Variants in ATL1 observed in about 807,000 individuals in gnomAD.
ATL1 encodes atlastin-1.
In ATL1, 31 loss-of-function variants were observed where a neutral mutation model predicts 75.5. The ratio of observed to expected loss-of-function variants is 0.41; its 90% CI spans 0.31 to 0.55. The LOEUF (loss-of-function observed/expected upper bound fraction) is 0.55. Among genes scored for constraint, ATL1 ranks in the 20% least tolerant of loss-of-function variants. The pLI is 0.27. For synonymous variants in ATL1, 226 were observed against 233.3 expected (o/e 0.97, Z 0.28); for missense variants, 405 against 662.6 (o/e 0.61, Z 4.27).
chr14:50,555,229 T>C (rs917304085), upstream of ATL1, among the ~76,000 whole-genome samples: 1 of 152,082 alleles, frequency 6.6e-6, no homozygotes, highest in Non-Finnish European at 1.5e-5. Context: ...AAGTGAAAGA[T>C]GGAAGAAGGC....
chr14:50,601,114 T>C (rs2039268346), intron 6 of ATL1, among the ~76,000 whole-genome samples: 1 of 151,830 alleles, frequency 6.6e-6, no homozygotes, highest in Admixed American at 6.6e-5. Context: ...TCTCAAAAAA[T>C]AAATAAATAG....
At chr14:50,535,292 C>A (rs934173803) in intron 1 of ATL1, among the ~76,000 whole-genome samples, 1 of 152,176 alleles carries the variant, frequency 6.6e-6, no homozygotes, top group African/African-American at 2.4e-5. Context: ...ACATAAAATG[C>A]TTTATCTTAT....
At chr14:50,616,140 C>G (rs948541435) in intron 8 of ATL1, among the ~76,000 whole-genome samples, 2 of 151,972 alleles carry the variant, frequency 1.3e-5, no homozygotes, top group African/African-American at 4.8e-5. Flanking sequence ...ACTAAAGGCA[C>G]GCACCACCAT....
At chr14:50,573,616 C>T (rs751128634) in intron 1 of ATL1, among the ~76,000 whole-genome samples, 43 of 152,018 alleles carry the variant, frequency 2.8e-4, no homozygotes, top group Non-Finnish European at 4.7e-4. Context: ...ATTTTTGATG[C>T]GGTATGCAAT....
At chr14:50,574,508 A>G (rs1051708203) in intron 1 of ATL1, among the ~76,000 whole-genome samples, 1 of 152,164 alleles carries the variant, frequency 6.6e-6, no homozygotes, top group Non-Finnish European at 1.5e-5. Context: ...GTAATCATCC[A>G]TTTTCAATAT....
intron 6 of ATL1, among the ~76,000 whole-genome samples, chr14:50,596,194 C>A (rs2039215186): frequency 6.6e-6 from 1 of 151,978 alleles, no homozygotes; most frequent in South Asian, 2.1e-4. Context: ...TCTAGTCAGG[C>A]ATGGTAGCAC....
chr14:50,597,683 A>C (rs1243656537), intron 6 of ATL1, among the ~76,000 whole-genome samples: 1 of 152,154 alleles, frequency 6.6e-6, no homozygotes, highest in African/African-American at 2.4e-5. Context: ...AAATTTTAAA[A>C]GGTCAATAGT....
At chr14:50,577,038 G>A (rs1011770574) in intron 1 of ATL1, among the ~76,000 whole-genome samples, 2 of 152,086 alleles carry the variant, frequency 1.3e-5, no homozygotes, top group Non-Finnish European at 2.9e-5. Flanking sequence ...CCTACTGTGT[G>A]TAAACTTCTG....
At chr14:50,625,752 T>C (rs1219449259) in intron 11 of ATL1, among the ~76,000 whole-genome samples, 1 of 151,628 alleles carries the variant, frequency 6.6e-6, no homozygotes, top group Non-Finnish European at 1.5e-5. Flanking sequence ...CTACTAAAAA[T>C]ACAAAAAATT....
intron 1 of ATL1, among the ~76,000 whole-genome samples, chr14:50,549,026 C>T (rs1309977707): frequency 3.9e-5 from 6 of 152,156 alleles, no homozygotes; most frequent in Non-Finnish European, 8.8e-5. Flanking sequence ...AATGGCATGC[C>T]TGTCTACAAC....
upstream of ATL1, among the ~76,000 whole-genome samples, chr14:50,555,566 G>A (rs1039468027): frequency 2.6e-5 from 4 of 152,226 alleles, no homozygotes; most frequent in African/African-American, 9.6e-5. Flanking sequence ...TTACAGGCAT[G>A]AGCCACCGTG....
chr14:50,591,216 G>A, intron 3 of ATL1, 141 bp downstream of exon 3: 1 of 824,722 alleles, frequency 1.2e-6, no homozygotes. Flanking sequence ...CCTATAGCAT[G>A]ATCTTTGTTT....
At chr14:50,602,055 T>C (rs1314815039) in intron 6 of ATL1, among the ~76,000 whole-genome samples, 2 of 152,206 alleles carry the variant, frequency 1.3e-5, no homozygotes, top group African/African-American at 4.8e-5. Flanking sequence ...GATGATCACA[T>C]CCTTGGGGCA....
intron 1 of ATL1, among the ~76,000 whole-genome samples, chr14:50,576,295 T>C (rs2039005731): frequency 6.6e-6 from 1 of 150,550 alleles, no homozygotes; most frequent in African/African-American, 2.5e-5. Context: ...TCAACATATA[T>C]TTTCAACGTA....
At chr14:50,553,354 A>C (rs931754635) in intron 1 of ATL1, among the ~76,000 whole-genome samples, 1 of 152,124 alleles carries the variant, frequency 6.6e-6, no homozygotes, top group Non-Finnish European at 1.5e-5. Flanking sequence ...CATTGAAAAA[A>C]TGCTCAAAAT....
At position 50,632,441 on chromosome 14, in the gene ATL1, AAATACTAAACACCTCTGAAG is replaced by A; in HGVS notation, c.*104_*123del. Reference sequence around the variant, plus strand: ...AAAGTGCTTCCATCAGAACGGAGTAAAATACTAAACACCTCTGAAGACTGCAAACTGGATTAGTTCTTTTA... The same window carrying A: ...AAAGTGCTTCCATCAGAACGGAGTAAACTGCAAACTGGATTAGTTCTTTTA... On this transcript the variant is annotated 3_prime_UTR_variant, in exon 14 of 14. Transcript: ENST00000358385. The A allele has an allele frequency of 9.6e-6, 8 of 829,532 alleles. No homozygotes were observed. Among genetic ancestry groups the A allele is most frequent in the Non-Finnish European group, 1.0e-5 (5 of 497,722 alleles). 51.4% of individuals were successfully genotyped at this position (829,532 alleles called of 1,614,324 possible). A position where few individuals can be genotyped will look rare whatever the true frequency, so the allele number is the denominator to read the frequency against.
intron 1 of ATL1, among the ~76,000 whole-genome samples, chr14:50,576,272 A>G (rs181283437): frequency 9.3e-4 from 142 of 152,252 alleles, no homozygotes; most frequent in African/African-American, 3.2e-3. Flanking sequence ...GGTTAGGTGT[A>G]TCAAATGCAT....
intron 6 of ATL1, among the ~76,000 whole-genome samples, chr14:50,610,476 C>T (rs530351896): frequency 1.3e-5 from 2 of 152,222 alleles, no homozygotes; most frequent in East Asian, 3.9e-4. Flanking sequence ...CCTAATACTG[C>T]TTCTTGGAAA....
intron 1 of ATL1, among the ~76,000 whole-genome samples, chr14:50,562,269 C>T (rs554368443): frequency 6.6e-5 from 10 of 152,284 alleles, no homozygotes; most frequent in Admixed American, 1.3e-4. Context: ...TGGTTTCGAT[C>T]TCCTGACCTC....
Sources: allele counts gnomAD v4.1 joint callset (sites outside exome capture counted in the v4.1 genomes callset), GRCh38; gene constraint gnomAD v4.1.1; transcripts MANE v1.5; gene names NCBI Gene and HGNC (gene_info 2026-07-23, HGNC 2026-07-21).